Variants in SHISA9 observed in about 807,000 individuals in gnomAD.
SHISA9 encodes protein shisa-9.
SHISA9 carries 13 observed loss-of-function variants against 38.0 expected under a neutral mutation model. The observed-to-expected ratio is 0.34, with a 90% CI of 0.22 to 0.54. SHISA9 has a LOEUF of 0.54. Among genes scored for constraint, SHISA9 ranks in the 20% least tolerant of loss-of-function variants. SHISA9 has a pLI of 0.91. For missense variants in SHISA9, 538 were observed against 575.8 expected, an observed-to-expected ratio of 0.93 and a Z score of 0.67; for synonymous variants, 275 against 242.0, an observed-to-expected ratio of 1.14 and a Z score of -1.27.
At chr16:13,223,214 C>T (rs919468525) in intron 4 of SHISA9, among the ~76,000 whole-genome samples, 1 of 152,106 alleles carries the variant, frequency 6.6e-6, no homozygotes, top group African/African-American at 2.4e-5. Context: ...ATTGCTTGAG[C>T]TCAGGAGTTT....
chr16:13,233,445 CA>C (rs112760448), intron 4 of SHISA9, among the ~76,000 whole-genome samples: 4 of 152,250 alleles, frequency 2.6e-5, no homozygotes, highest in African/African-American at 9.6e-5. Context: ...ACTCTTTGGC[CA>C]AATAATTCTA....
chr16:13,417,576 G>A, the SHISA9 span, among the ~76,000 whole-genome samples: 1 of 152,210 alleles, frequency 6.6e-6, no homozygotes, highest in African/African-American at 2.4e-5. Context: ...TTCACTGTCA[G>A]TGTCTTGCAA....
chr16:13,481,879 T>A, the SHISA9 span, among the ~76,000 whole-genome samples: 1 of 152,238 alleles, frequency 6.6e-6, no homozygotes, highest in Non-Finnish European at 1.5e-5. Context: ...AGATGGTAGA[T>A]ATCTCATTAA....
chr16:13,453,245 G>A, the SHISA9 span, among the ~76,000 whole-genome samples: 1 of 152,128 alleles, frequency 6.6e-6, no homozygotes, highest in African/African-American at 2.4e-5. Context: ...CTTGCAATAT[G>A]GGGATATGTG....
chr16:12,986,152 C>T (rs182751807), intron 2 of SHISA9, among the ~76,000 whole-genome samples: 81 of 152,168 alleles, frequency 5.3e-4, no homozygotes, highest in African/African-American at 1.8e-3. Context: ...ATATACAAAC[C>T]CTCTTTAAGG....
chr16:13,247,163 A>G, the SHISA9 span, among the ~76,000 whole-genome samples: 1 of 152,078 alleles, frequency 6.6e-6, no homozygotes. Flanking sequence ...GAAATGCCAC[A>G]CTTGTAAACC....
chr16:13,356,596 A>G, the SHISA9 span, among the ~76,000 whole-genome samples: 1 of 152,142 alleles, frequency 6.6e-6, no homozygotes, highest in South Asian at 2.1e-4. Context: ...AAGGATTGGG[A>G]CCTAGCTCGG....
intron 2 of SHISA9, among the ~76,000 whole-genome samples, chr16:13,136,906 T>C (rs1423639583): frequency 2.0e-5 from 3 of 152,230 alleles, no homozygotes; most frequent in Non-Finnish European, 4.4e-5. Flanking sequence ...CAAGCTCTTC[T>C]CGGTCATTGG....
the SHISA9 span, among the ~76,000 whole-genome samples, chr16:13,548,687 A>G: frequency 6.6e-6 from 1 of 152,218 alleles, no homozygotes; most frequent in Non-Finnish European, 1.5e-5. Flanking sequence ...TAGAATAGCC[A>G]TTATCAAAAA....
intron 2 of SHISA9, among the ~76,000 whole-genome samples, chr16:13,038,887 C>T (rs1173501839): frequency 6.6e-6 from 1 of 152,114 alleles, no homozygotes; most frequent in Admixed American, 6.6e-5. Flanking sequence ...GTCTCTGTTT[C>T]TTTATTTAAT....
At chr16:13,435,184 C>G in the SHISA9 span, among the ~76,000 whole-genome samples, 238 of 151,626 alleles carry the variant, frequency 1.6e-3, 3 homozygotes, top group East Asian at 0.011. Context: ...TCATTTTAAC[C>G]ATATTTATTC....
chr16:13,444,420 GAA>G, the SHISA9 span, among the ~76,000 whole-genome samples: 2 of 45,358 alleles, frequency 4.4e-5, no homozygotes, highest in African/African-American at 2.3e-4. Context: ...AGGGAGGGAG[GAA>G]GGAAGGAAGG....
intron 2 of SHISA9, among the ~76,000 whole-genome samples, chr16:13,093,190 T>A (rs368617179): frequency 6.6e-6 from 1 of 152,174 alleles, no homozygotes; most frequent in Non-Finnish European, 1.5e-5. Flanking sequence ...CCTCTTGTTC[T>A]GAGTCTTGGC....
the SHISA9 span, among the ~76,000 whole-genome samples, chr16:13,424,161 A>T: frequency 6.6e-6 from 1 of 152,230 alleles, no homozygotes; most frequent in Non-Finnish European, 1.5e-5. Flanking sequence ...AGGGTCTCTT[A>T]GAATTTTCCT....
At chr16:13,418,954 G>A in the SHISA9 span, among the ~76,000 whole-genome samples, 1 of 152,268 alleles carries the variant, frequency 6.6e-6, no homozygotes, top group South Asian at 2.1e-4. Flanking sequence ...ACAACCTTGG[G>A]GCATTCCCAG....
the SHISA9 span, among the ~76,000 whole-genome samples, chr16:13,297,551 C>T: frequency 7.9e-5 from 12 of 152,052 alleles, no homozygotes; most frequent in East Asian, 1.9e-4. Flanking sequence ...AAACAGCATG[C>T]ATATATTTAG....
chr16:12,996,895 A>T (rs940633592), intron 2 of SHISA9, among the ~76,000 whole-genome samples: 1 of 152,230 alleles, frequency 6.6e-6, no homozygotes. Flanking sequence ...AAGTCACCCA[A>T]GTCCTTTGGG....
At chr16:13,323,719 G>C in the SHISA9 span, among the ~76,000 whole-genome samples, 2 of 152,148 alleles carry the variant, frequency 1.3e-5, no homozygotes, top group African/African-American at 4.8e-5. Context: ...CGAGCAAAGG[G>C]GGGAAGAGCC....
chr16:13,296,095 CTTG>C, the SHISA9 span, among the ~76,000 whole-genome samples: 2 of 152,136 alleles, frequency 1.3e-5, no homozygotes, highest in African/African-American at 2.4e-5. Context: ...TCATAGCCTA[CTTG>C]TTGTTGTGGT....
Sources: gnomAD v4.1 joint callset for allele counts (sites outside exome capture counted in the v4.1 genomes callset) on GRCh38, gnomAD v4.1.1 for gene constraint, MANE v1.5 for transcripts, NCBI Gene and HGNC (gene_info 2026-07-23, HGNC 2026-07-21) for gene names.